BTG3: variants seen among roughly 807,000 people sequenced by gnomAD.
The protein encoded by BTG3 is protein BTG3.
In BTG3, 4 loss-of-function variants were observed where a neutral mutation model predicts 25.8. The ratio of observed to expected loss-of-function variants is 0.16; its 90% CI spans 0.08 to 0.36. The LOEUF is 0.36. BTG3 is among the 10% of genes least tolerant of loss of function. The pLI is 1.00. For missense variants in BTG3, 201 were observed against 304.9 expected (o/e 0.66, Z 2.54); for synonymous variants, 107 against 99.9 (o/e 1.07, Z -0.42).
In BTG3 at chr21:17,595,003, TA is replaced by T. The variant is rs533634736; in HGVS notation, c.520-672del. On this transcript the variant is annotated intron_variant, in intron 4 of 4. Coordinates refer to ENST00000348354, the MANE Select transcript of BTG3 (RefSeq NM_006806.5). ...GTATCCCTAAACCTAAAATAAAAGT[TA>T]AAAAAAAAAAAAGATAAACACAAAA... Among the ~76,000 whole-genome samples the T allele has an allele frequency of 8.4e-3, 1,179 of 139,896 alleles. 3 individuals carry two copies. Among genetic ancestry groups the T allele is most frequent in the African/African-American group, 0.011 (416 of 38,534 alleles). 91.8% of individuals were successfully genotyped at this position (139,896 alleles called of 152,430 possible).
chr21:17,598,902 C>A, intron 3 of BTG3, 78 bp from the exon 4 acceptor site: 1 of 1,102,426 alleles, frequency 9.1e-7, no homozygotes, highest in Non-Finnish European at 1.3e-6. Context: ...ACAAAGAGAT[C>A]TGGACATGCC....
intron 1 of BTG3, among the ~76,000 whole-genome samples, chr21:17,610,560 T>C (rs1000020256): frequency 3.9e-5 from 6 of 152,192 alleles, no homozygotes; most frequent in African/African-American, 7.2e-5. Flanking sequence ...TTAAAAATGG[T>C]ATATCTGATT....
chr21:17,604,689 A>C (rs1307922364), intron 3 of BTG3, among the ~76,000 whole-genome samples, 171 bp downstream of exon 3: 1 of 152,212 alleles, frequency 6.6e-6, no homozygotes, highest in Non-Finnish European at 1.5e-5. Context: ...CAGAAATCTA[A>C]CTAGTCCTTC....
chr21:17,607,100 A>AT (rs987506187), intron 2 of BTG3, among the ~76,000 whole-genome samples: 10 of 152,080 alleles, frequency 6.6e-5, no homozygotes, highest in African/African-American at 2.4e-4. Context: ...ACAACCCACT[A>AT]TTTTTTCTAC....
chr21:17,596,793 T>C (rs1387355083), intron 4 of BTG3, among the ~76,000 whole-genome samples: 3 of 152,120 alleles, frequency 2.0e-5, no homozygotes, highest in African/African-American at 7.2e-5. Context: ...AGATGTTCAT[T>C]GATACTGAAT....
At chr21:17,603,767 T>C (rs1000125191) in intron 3 of BTG3, among the ~76,000 whole-genome samples, 6 of 152,206 alleles carry the variant, frequency 3.9e-5, no homozygotes, top group Admixed American at 2.0e-4. Flanking sequence ...TGGTCAACCA[T>C]GGCTCATCCT....
At chr21:17,597,589 T>C (rs558111751) in intron 4 of BTG3, among the ~76,000 whole-genome samples, 1 of 152,170 alleles carries the variant, frequency 6.6e-6, no homozygotes, top group Admixed American at 6.5e-5. Flanking sequence ...TTATACTGTC[T>C]TGTACTGTTT....
chr21:17,594,128 G>A lies in BTG3; in HGVS notation c.724C>T (p.His242Tyr), dbSNP rs2061471549. The change falls in exon 5 of 5, where the codon CAC becomes TAC. Residue 242 changes from histidine (H) to tyrosine (Y), a missense_variant. His to Tyr is a moderately conservative substitution (Grantham distance 83). Transcript: ENST00000348354. ...PPPGMHCDRN[H>Y]WINPHMLAPH ...GCTAACATGTGAGGATTAATCCAGT[G>A]ATTCCGGTCACAATGCATTCCAGGA... 6.2e-7 allele frequency: 1 copy of A among 1,613,080 alleles called. No homozygotes were observed. Among genetic ancestry groups the A allele is most frequent in the African/African-American group, 1.3e-5 (1 of 74,860 alleles).
At chr21:17,610,524 T>C (rs1279082184) in intron 1 of BTG3, among the ~76,000 whole-genome samples, 4 of 152,234 alleles carry the variant, frequency 2.6e-5, no homozygotes, top group Admixed American at 2.6e-4. Flanking sequence ...GAGATTTAGC[T>C]ACATTTTGGA....
chr21:17,601,344 G>A (rs1412411353), intron 3 of BTG3, among the ~76,000 whole-genome samples: 1 of 152,104 alleles, frequency 6.6e-6, no homozygotes, highest in Non-Finnish European at 1.5e-5. Context: ...TCTACGGCTG[G>A]TGACTCTTCG....
In BTG3 at chr21:17,608,960, C is replaced by T; in HGVS notation, c.173+12G>A. 6.2e-7 allele frequency: 1 copy of T among 1,610,022 alleles called. No individual in the cohort carries two copies. Among genetic ancestry groups the T allele is most frequent in the Admixed American group, 1.7e-5 (1 of 59,162 alleles). The stretch of plus-strand genomic sequence containing the variant: ...TTGATCAGCCTCTGCTTAATCCAAT[C>T]TAATCCTTTACCTGTAGGCCTGTCC... On this transcript the variant is annotated intron_variant, in intron 2 of 4. Transcript: ENST00000348354.
chr21:17,605,754 T>TA (rs1391676887), intron 2 of BTG3, among the ~76,000 whole-genome samples: 1 of 152,182 alleles, frequency 6.6e-6, no homozygotes, highest in African/African-American at 2.4e-5. Context: ...TGTTAAATGA[T>TA]AAGCATTCTG....
chr21:17,612,096 G>A (rs2061735511), intron 1 of BTG3: 1 of 152,396 alleles, frequency 6.6e-6, no homozygotes, highest in African/African-American at 2.4e-5. Flanking sequence ...AGGTAGGTGA[G>A]GAGGGATCAA....
intron 4 of BTG3, among the ~76,000 whole-genome samples, chr21:17,596,491 T>G (rs1425211069): frequency 6.6e-6 from 1 of 151,824 alleles, no homozygotes; most frequent in African/African-American, 2.4e-5. Flanking sequence ...GTTAGGTTCG[T>G]TTTTTTTCCT....
intron 2 of BTG3, among the ~76,000 whole-genome samples, chr21:17,605,514 G>A (rs1001454561): frequency 1.3e-5 from 2 of 152,148 alleles, no homozygotes; most frequent in African/African-American, 4.8e-5. Context: ...TACAGGATAA[G>A]TGAAGGACAC....
At position 17,598,781 on chromosome 21, in the gene BTG3, T is replaced by C; in HGVS notation, c.355A>G (p.Asn119Asp). 2 of 1,614,176 alleles carry C rather than the reference T, an allele frequency of 1.2e-6. No homozygotes were observed. The highest frequency in any genetic ancestry group is 1.7e-6 in the Non-Finnish European group (2 of 1,180,026). Reference sequence around the variant, plus strand: ...ATCTCATCCTTGTTCTCATCTTTATTTTCAAAGCTGGCAACAATGAATGCA... The same window carrying C: ...ATCTCATCCTTGTTCTCATCTTTATCTTCAAAGCTGGCAACAATGAATGCA... ...NNAFIVASFENKDENKDEISR... is the reference protein window; with the variant it reads ...NNAFIVASFEDKDENKDEISR... Residue 119 changes from asparagine (N) to aspartate (D), a missense_variant, in exon 4 of 5, where the codon AAT becomes GAT. Asn to Asp is a conservative substitution (Grantham distance 23, BLOSUM62 1). Transcript: ENST00000348354.
intron 2 of BTG3, among the ~76,000 whole-genome samples, chr21:17,608,192 C>G (rs1182475522): frequency 6.6e-6 from 1 of 152,114 alleles, no homozygotes; most frequent in East Asian, 1.9e-4. Flanking sequence ...ACAGCAAGAT[C>G]CCATCTATAC....
chr21:17,596,652 T>C (rs2061507816), intron 4 of BTG3, among the ~76,000 whole-genome samples: 1 of 152,100 alleles, frequency 6.6e-6, no homozygotes, highest in African/African-American at 2.4e-5. Context: ...AATATATTTG[T>C]ATGTTTTTAA....
In BTG3 at chr21:17,612,740, C is replaced by G. The variant is rs995540617; in HGVS notation, c.-50G>C. 6.5e-6 allele frequency: 1 copy of G among 152,844 alleles called. No individual in the cohort carries two copies. Among genetic ancestry groups the G allele is most frequent in the East Asian group, 1.9e-4 (1 of 5,188 alleles). 9.5% of individuals were successfully genotyped at this position (152,844 alleles called of 1,614,324 possible). A position where few individuals can be genotyped will look rare whatever the true frequency, so the allele number is the denominator to read the frequency against. On this transcript the variant is annotated 5_prime_UTR_variant, in exon 1 of 5. Coordinates refer to ENST00000348354, the MANE Select transcript of BTG3 (RefSeq NM_006806.5). ...GCTCTTCGGCCGGAGATTCGGCGGC[C>G]CAGACCGTGTCCTGGCCGGGAACTG...
Sources: allele counts gnomAD v4.1 joint callset (sites outside exome capture counted in the v4.1 genomes callset), GRCh38; gene constraint gnomAD v4.1.1; transcripts MANE v1.5; gene names NCBI Gene and HGNC (gene_info 2026-07-23, HGNC 2026-07-21).